Variants in CADPS2 observed in about 807,000 individuals in gnomAD.
CADPS2 encodes the protein calcium-dependent secretion activator 2.
Under a neutral mutation model 172.5 loss-of-function variants are expected in CADPS2, and 93 were observed. The observed-to-expected ratio is 0.54, with a 90% confidence interval of 0.46 to 0.64. The LOEUF is 0.64. Among genes scored for constraint, CADPS2 ranks in the 30% least tolerant of loss-of-function variants. The probability of loss-of-function intolerance (pLI) is 0.00; values close to 1 mark genes in which losing one functional copy is unlikely to be tolerated. For synonymous variants in CADPS2, 546 were observed against 555.2 expected (o/e 0.98, Z 0.23); for missense variants, 1,420 against 1,565.9 (o/e 0.91, Z 1.57).
At chr7:122,427,681 T>C (rs2049338379) in intron 17 of CADPS2, among the ~76,000 whole-genome samples, 1 of 152,220 alleles carries the variant, frequency 6.6e-6, no homozygotes, top group African/African-American at 2.4e-5. Flanking sequence ...TGTAGTCGTC[T>C]GCCGGATCAT....
chr7:122,724,762 T>A (rs1182306616), intron 2 of CADPS2, among the ~76,000 whole-genome samples: 3 of 152,002 alleles, frequency 2.0e-5, no homozygotes, highest in Non-Finnish European at 4.4e-5. Context: ...TGTGTTTAAA[T>A]TCTATTTCCT....
At chr7:122,552,791 T>TTTTA (rs2064484005) in intron 8 of CADPS2, among the ~76,000 whole-genome samples, 1 of 150,754 alleles carries the variant, frequency 6.6e-6, no homozygotes, top group African/African-American at 2.5e-5. Flanking sequence ...TTTTTTTTTT[T>TTTTA]TTATTATTGT....
chr7:122,645,453 A>G (rs1381336536), intron 3 of CADPS2, among the ~76,000 whole-genome samples: 11 of 87,064 alleles, frequency 1.3e-4, no homozygotes, highest in South Asian at 3.0e-4. Context: ...ACACACACAT[A>G]TGTATATATG....
intron 27 of CADPS2, among the ~76,000 whole-genome samples, chr7:122,348,460 G>A (rs1466443588): frequency 6.6e-6 from 1 of 152,016 alleles, no homozygotes; most frequent in Non-Finnish European, 1.5e-5. Flanking sequence ...AACTTTCTAA[G>A]GAAATAAAAA....
chr7:122,804,643 C>CA (rs2140035352), intron 1 of CADPS2, among the ~76,000 whole-genome samples: 1 of 152,204 alleles, frequency 6.6e-6, no homozygotes, highest in South Asian at 2.1e-4. Context: ...TTATGAATGG[C>CA]AATTATACTC....
chr7:122,386,316 C>A, intron 24 of CADPS2: 3 of 1,430,308 alleles, frequency 2.1e-6, no homozygotes, highest in Non-Finnish European at 2.8e-6. Flanking sequence ...CAAACTGGAT[C>A]ATGCCATGGG....
At chr7:122,573,306 T>C (rs777625761) in intron 7 of CADPS2, among the ~76,000 whole-genome samples, 4 of 151,552 alleles carry the variant, frequency 2.6e-5, no homozygotes, top group African/African-American at 7.3e-5. Context: ...CTTTGGGAGG[T>C]TGGGATGGGA....
chr7:122,442,337 T>C (rs1254549829), intron 15 of CADPS2, among the ~76,000 whole-genome samples: 1 of 152,156 alleles, frequency 6.6e-6, no homozygotes, highest in Non-Finnish European at 1.5e-5. Context: ...TTTCATCTTT[T>C]TGGAGCTCCT....
At chr7:122,772,691 G>T (rs1039927736) in intron 1 of CADPS2, among the ~76,000 whole-genome samples, 3 of 152,098 alleles carry the variant, frequency 2.0e-5, no homozygotes, top group Admixed American at 2.0e-4. Flanking sequence ...TCTTTACTGA[G>T]ATTTAAAGGA....
intron 17 of CADPS2, among the ~76,000 whole-genome samples, chr7:122,423,442 G>A (rs1335679905): frequency 2.0e-5 from 3 of 152,124 alleles, no homozygotes; most frequent in Non-Finnish European, 2.9e-5. Context: ...TTTGTAAGAA[G>A]ACTGCCTCAA....
At chr7:122,367,911 G>A (rs536436568) in intron 25 of CADPS2, among the ~76,000 whole-genome samples, 1 of 151,810 alleles carries the variant, frequency 6.6e-6, no homozygotes, top group African/African-American at 2.4e-5. Context: ...ATGGTTCATG[G>A]TCTCTATCCT....
chr7:122,569,607 C>T (rs1282470481), intron 7 of CADPS2, among the ~76,000 whole-genome samples: 1 of 126,568 alleles, frequency 7.9e-6, no homozygotes, highest in Non-Finnish European at 1.6e-5. Context: ...AAGCTGGAGG[C>T]ATCACACTAC....
Position 122,856,761 on chromosome 7 carries a change from T to C in CADPS2, c.339+29238A>G, listed in dbSNP as rs1337025235. ...GACATCTAACAATCTCTATAAAACATAGTAAGCACTGCATACATTTTGGTT... is the reference window on the plus strand; with the variant it reads ...GACATCTAACAATCTCTATAAAACACAGTAAGCACTGCATACATTTTGGTT... On this transcript the variant is annotated intron_variant, in intron 1 of 29. Coordinates refer to ENST00000449022, the MANE Select transcript of CADPS2 (RefSeq NM_017954.11). Among the ~76,000 whole-genome samples, 6 of 152,266 alleles carry C rather than the reference T, an allele frequency of 3.9e-5. No individual in the cohort carries two copies. The South Asian group carries it at 8.3e-4, about 21-fold the overall frequency.
chr7:122,672,398 C>G (rs183091796), intron 2 of CADPS2, among the ~76,000 whole-genome samples: 1 of 152,076 alleles, frequency 6.6e-6, no homozygotes, highest in Non-Finnish European at 1.5e-5. Flanking sequence ...ATGCTGGTGT[C>G]GAAGCTGTCA....
chr7:122,399,234 T>C (rs1381594702), intron 20 of CADPS2, among the ~76,000 whole-genome samples: 1 of 152,212 alleles, frequency 6.6e-6, no homozygotes, highest in Non-Finnish European at 1.5e-5. Flanking sequence ...ACACATAATT[T>C]GAGTTATACT....
chr7:122,825,221 T>C (rs1212261401), intron 1 of CADPS2, among the ~76,000 whole-genome samples: 1 of 152,202 alleles, frequency 6.6e-6, no homozygotes, highest in East Asian at 1.9e-4. Context: ...TTACTGTTGA[T>C]TCAGAAATCC....
chr7:122,642,783 A>G lies in CADPS2; in HGVS notation c.787-13455T>C, dbSNP rs150312699. ...CAATCACTAAAAAGGGGGATTAATA[A>G]CTGTTTTTCCATAATCATGTCTTTG... is the stretch of plus-strand genomic sequence containing the variant. On this transcript the variant is annotated intron_variant, in intron 3 of 29. Coordinates refer to ENST00000449022, the MANE Select transcript of CADPS2 (RefSeq NM_017954.11). 2.2e-3 allele frequency among the ~76,000 whole-genome samples: 330 copies of G among 152,256 alleles called. 2 individuals are homozygous for G. Among genetic ancestry groups the G allele is most frequent in the African/African-American group, 7.6e-3 (316 of 41,554 alleles).
At position 122,319,095 on chromosome 7, in the gene CADPS2, T is replaced by C. The variant is rs1410059548; in HGVS notation, c.*1070A>G. ...GAATTACTAGTTAATATTACTAACA[T>C]TACTAATTATTAGTTAACATTGATT... is the stretch of plus-strand genomic sequence containing the variant. On this transcript the variant is annotated 3_prime_UTR_variant, in exon 30 of 30. Coordinates refer to ENST00000449022, the MANE Select transcript of CADPS2 (RefSeq NM_017954.11). 2 of 152,150 alleles carry C rather than the reference T, an allele frequency of 1.3e-5. No homozygotes were observed. Among genetic ancestry groups the C allele is most frequent in the Admixed American group, 6.5e-5 (1 of 15,278 alleles). 9.4% of individuals were successfully genotyped at this position (152,150 alleles called of 1,614,324 possible).
intron 1 of CADPS2, among the ~76,000 whole-genome samples, chr7:122,867,422 T>C (rs974206714): frequency 2.0e-5 from 3 of 152,252 alleles, no homozygotes; most frequent in East Asian, 3.9e-4. Context: ...AGCTGAGATA[T>C]ACTTGCACAC....
Sources: allele counts gnomAD v4.1 joint callset (sites outside exome capture counted in the v4.1 genomes callset), GRCh38; gene constraint gnomAD v4.1.1; transcripts MANE v1.5; gene names NCBI Gene and HGNC (gene_info 2026-07-23, HGNC 2026-07-21).